The following NPR3 variants were observed in gnomAD, a reference collection of about 807,000 sequenced individuals.
NPR3 encodes natriuretic peptide receptor 3.
Under a neutral mutation model 54.5 loss-of-function variants are expected in NPR3, and 34 were observed. The ratio of observed to expected loss-of-function variants is 0.62; its 90% CI spans 0.47 to 0.83. The LOEUF is 0.83. Among genes scored for constraint, NPR3 ranks in the 40% least tolerant of loss-of-function variants. The pLI, the probability that NPR3 is intolerant of heterozygous loss-of-function variation, is 0.00. For synonymous variants in NPR3, 289 were observed against 297.1 expected, an observed-to-expected ratio of 0.97 and a Z score of 0.28; for missense variants, 674 against 720.8, an observed-to-expected ratio of 0.94 and a Z score of 0.74.
chr5:32,713,394 G>A (rs1738370032), intron 1 of NPR3: 1 of 985,478 alleles, frequency 1.0e-6, no homozygotes, highest in African/African-American at 1.7e-5. Context: ...TCGGGGAGCG[G>A]GGGGACGCGG....
In NPR3 at chr5:32,712,526, T is replaced by C. The variant is rs778762534; in HGVS notation, c.750T>C (p.Asn250=). ...KDLDLEDIVR[N]IQASERVVIM... Reference sequence around the variant, plus strand: ...TGGATCTGGAAGACATCGTGCGCAATATCCAGGCCAGTGAGAGAGGTGAGC... The same window carrying C: ...TGGATCTGGAAGACATCGTGCGCAACATCCAGGCCAGTGAGAGAGGTGAGC... Residue 250 remains asparagine (N), a synonymous_variant, in exon 1 of 8, where the codon AAT becomes AAC. Coordinates refer to ENST00000265074, the MANE Select transcript of NPR3 (RefSeq NM_001204375.2). The C allele has an allele frequency of 6.5e-7, 1 of 1,527,086 alleles. No individual in the cohort carries two copies. Among genetic ancestry groups the C allele is most frequent in the South Asian group, 1.3e-5 (1 of 78,752 alleles). The allele number at this position is 1,527,086 out of a possible 1,614,324, so 94.6% of individuals were successfully genotyped here.
chr5:32,771,454 C>T (rs1741756109), intron 3 of NPR3, among the ~76,000 whole-genome samples: 1 of 152,208 alleles, frequency 6.6e-6, no homozygotes, highest in African/African-American at 2.4e-5. Flanking sequence ...ACGAAAGTAA[C>T]TCAAGTTCAT....
At chr5:32,697,451 T>G (rs184405908) in intron 1 of NPR3, among the ~76,000 whole-genome samples, 1 of 151,992 alleles carries the variant, frequency 6.6e-6, no homozygotes, top group East Asian at 1.9e-4. Context: ...CTTTCTTTTT[T>G]TTTTTTGATA....
intron 1 of NPR3, among the ~76,000 whole-genome samples, chr5:32,701,169 G>C (rs1418737818): frequency 3.9e-5 from 6 of 152,098 alleles, no homozygotes; most frequent in Non-Finnish European, 5.9e-5. Context: ...ATTTTTTCAA[G>C]TGTCTGCTGG....
chr5:32,768,191 T>C (rs190536590), intron 3 of NPR3, among the ~76,000 whole-genome samples: 1 of 152,034 alleles, frequency 6.6e-6, no homozygotes, highest in African/African-American at 2.4e-5. Flanking sequence ...CTTGTGGGGG[T>C]TGGGTCACCA....
intron 1 of NPR3, among the ~76,000 whole-genome samples, chr5:32,718,324 C>G (rs1283121807): frequency 6.6e-6 from 1 of 152,182 alleles, no homozygotes; most frequent in Non-Finnish European, 1.5e-5. Flanking sequence ...GCAATGCCAG[C>G]TCTTTTTTGG....
chr5:32,722,177 G>A (rs1738900430), intron 1 of NPR3, among the ~76,000 whole-genome samples: 1 of 152,182 alleles, frequency 6.6e-6, no homozygotes, highest in Non-Finnish European at 1.5e-5. Context: ...AATGTTTAGG[G>A]AAACTTCAGG....
chr5:32,745,920 T>C (rs1019827755), intron 3 of NPR3, among the ~76,000 whole-genome samples: 1 of 152,192 alleles, frequency 6.6e-6, no homozygotes, highest in Non-Finnish European at 1.5e-5. Flanking sequence ...AGTGGTCCCA[T>C]TTGGGGTGGG....
Position 32,745,446 on chromosome 5 carries a change from G to A in NPR3, c.1059+6416G>A, listed in dbSNP as rs563125346. Reference sequence around the variant, plus strand: ...GGTGGTGCTTGGCCTCTGCCCATGAGCAGTTCCAATTCCAGAGCACTGGTA... The same window carrying A: ...GGTGGTGCTTGGCCTCTGCCCATGAACAGTTCCAATTCCAGAGCACTGGTA... On this transcript the variant is annotated intron_variant, in intron 3 of 7. Coordinates refer to ENST00000265074, the MANE Select transcript of NPR3 (RefSeq NM_001204375.2). Among the ~76,000 whole-genome samples, 3 of 152,318 alleles carry A rather than the reference G, an allele frequency of 2.0e-5. No individual in the cohort carries two copies. The South Asian group carries it at 6.2e-4, about 32-fold the overall frequency.
chr5:32,752,424 C>G (rs1006351474), intron 3 of NPR3, among the ~76,000 whole-genome samples: 6 of 151,958 alleles, frequency 3.9e-5, no homozygotes, highest in Non-Finnish European at 7.3e-5. Context: ...AAATTTTAAG[C>G]TAATGGGAGA....
intron 3 of NPR3, among the ~76,000 whole-genome samples, chr5:32,757,986 T>A (rs1054629776): frequency 9.2e-5 from 14 of 152,214 alleles, no homozygotes; most frequent in African/African-American, 2.2e-4. Flanking sequence ...TTTGATGTGC[T>A]GCTGGATTCG....
chr5:32,756,544 T>G (rs10056548), intron 3 of NPR3, among the ~76,000 whole-genome samples: 15 of 152,214 alleles, frequency 9.9e-5, no homozygotes, highest in Non-Finnish European at 1.8e-4. Flanking sequence ...TTTCTCCCAT[T>G]CTGTAGGTTG....
rs1162914256 is a variant in NPR3, at chr5:32,790,406, A to C, written c.*4061A>C. 3 of 167,240 alleles carry C rather than the reference A, an allele frequency of 1.8e-5. No homozygotes were observed. The highest frequency in any genetic ancestry group is 4.4e-5 in the Non-Finnish European group (3 of 68,196). The allele number at this position is 167,240 out of a possible 1,614,324, so 10.4% of individuals were successfully genotyped here. A position where few individuals can be genotyped will look rare whatever the true frequency, so the allele number is the denominator to read the frequency against. On this transcript the variant is annotated 3_prime_UTR_variant, in exon 8 of 8. Transcript: ENST00000265074. ...CCAAGGATGTGTCAGCATCTTGCCC[A>C]TGCAGGTAGAAATTTGTGAGTAGGC...
chr5:32,723,308 T>G (rs542271916), intron 1 of NPR3, among the ~76,000 whole-genome samples: 6 of 152,320 alleles, frequency 3.9e-5, no homozygotes, highest in Admixed American at 2.0e-4. Flanking sequence ...GGTCAAGCCC[T>G]ACTTCATTCT....
rs372558211 is a variant in NPR3, at chr5:32,789,812, C to T, written c.*3467C>T. ...GGATTCAGAAAGTAGGTTCCAGTGG[C>T]GTCACTACCTTCTTGTAAGCCAGTA... On this transcript the variant is annotated 3_prime_UTR_variant, in exon 8 of 8. Coordinates refer to ENST00000265074, the MANE Select transcript of NPR3 (RefSeq NM_001204375.2). 29 of 493,998 alleles carry T rather than the reference C, an allele frequency of 5.9e-5. No homozygotes were observed. The highest frequency in any genetic ancestry group is 1.8e-4 in the African/African-American group (9 of 50,356). The allele number at this position is 493,998 out of a possible 1,614,324, so 30.6% of individuals were successfully genotyped here.
chr5:32,730,086 T>C (rs958999040), intron 2 of NPR3, among the ~76,000 whole-genome samples: 24 of 152,300 alleles, frequency 1.6e-4, no homozygotes, highest in African/African-American at 5.3e-4. Flanking sequence ...TTTCATGACT[T>C]TGACACTTAA....
At chr5:32,718,967 C>T (rs1738707041) in intron 1 of NPR3, among the ~76,000 whole-genome samples, 1 of 152,190 alleles carries the variant, frequency 6.6e-6, no homozygotes, top group Admixed American at 6.5e-5. Context: ...TTTGCCCATT[C>T]AGTATGCTAT....
intron 4 of NPR3, among the ~76,000 whole-genome samples, chr5:32,775,144 T>C (rs6450926): frequency 0.22 from 32,762 of 152,180 alleles, 3,613 homozygotes; most frequent in South Asian, 0.28. Context: ...TTGTGAAGAG[T>C]TCTGTGATGA....
At chr5:32,734,266 A>G (rs1265157505) in intron 2 of NPR3, among the ~76,000 whole-genome samples, 1 of 152,178 alleles carries the variant, frequency 6.6e-6, no homozygotes, top group Non-Finnish European at 1.5e-5. Flanking sequence ...GAGCCACAGT[A>G]CTGTGGGGCC....
Sources: gnomAD v4.1 joint callset for allele counts (sites outside exome capture counted in the v4.1 genomes callset) on GRCh38, gnomAD v4.1.1 for gene constraint, MANE v1.5 for transcripts, NCBI Gene and HGNC (gene_info 2026-07-23, HGNC 2026-07-21) for gene names.